Variants in RANBP17 observed in about 807,000 individuals in gnomAD.
RANBP17 encodes RAN binding protein 17.
RANBP17 carries 158 observed loss-of-function variants against 141.2 expected under a neutral mutation model. The ratio of observed to expected loss-of-function variants is 1.12; its 90% CI spans 0.98 to 1.28. The LOEUF (loss-of-function observed/expected upper bound fraction) is 1.28. Among genes scored for constraint, RANBP17 ranks in the 50% most tolerant of loss-of-function variants. The pLI is 0.00. For synonymous variants in RANBP17, 430 were observed against 450.0 expected (o/e 0.96, Z 0.56); for missense variants, 1,438 against 1,290.7 (o/e 1.11, Z -1.75).
At chr5:171,270,736 T>A (rs1767048701) in intron 25 of RANBP17, among the ~76,000 whole-genome samples, 1 of 152,154 alleles carries the variant, frequency 6.6e-6, no homozygotes, top group African/African-American at 2.4e-5. Context: ...TATGAGTAAT[T>A]CCTTATAAGA....
chr5:170,866,324 A>G (rs1389308116), intron 1 of RANBP17, among the ~76,000 whole-genome samples: 1 of 144,338 alleles, frequency 6.9e-6, no homozygotes, highest in African/African-American at 2.9e-5. Flanking sequence ...GAAGCAAAAG[A>G]TAACATTGAG....
intron 14 of RANBP17, among the ~76,000 whole-genome samples, chr5:171,032,660 A>G (rs1021513885): frequency 6.6e-6 from 1 of 152,178 alleles, no homozygotes; most frequent in Non-Finnish European, 1.5e-5. Flanking sequence ...TTGCAGTCAT[A>G]TAATGAATCA....
At chr5:171,294,037 A>G (rs904727438) in intron 26 of RANBP17, 56 bp downstream of exon 26, 16 of 1,274,704 alleles carry the variant, frequency 1.3e-5, no homozygotes, top group African/African-American at 1.0e-4. Context: ...GAGAGCAGCT[A>G]TAAGCTAGGG....
chr5:171,141,656 C>T (rs1757711610), intron 14 of RANBP17, among the ~76,000 whole-genome samples: 1 of 141,010 alleles, frequency 7.1e-6, no homozygotes. Context: ...AAGATATATA[C>T]TTTGATCAAG....
chr5:171,102,693 T>C (rs927416613), intron 14 of RANBP17, among the ~76,000 whole-genome samples: 4 of 152,198 alleles, frequency 2.6e-5, no homozygotes, highest in African/African-American at 9.7e-5. Flanking sequence ...TTTGGCATTT[T>C]CAGCCTTTTT....
chr5:171,089,409 T>A (rs1402023509), intron 14 of RANBP17, among the ~76,000 whole-genome samples: 3 of 151,660 alleles, frequency 2.0e-5, no homozygotes, highest in Non-Finnish European at 4.4e-5. Flanking sequence ...CTGCTGTCTT[T>A]TTGTTTGTCT....
intron 14 of RANBP17, among the ~76,000 whole-genome samples, chr5:171,123,280 G>T (rs978366892): frequency 2.6e-5 from 4 of 152,126 alleles, no homozygotes; most frequent in Non-Finnish European, 4.4e-5. Flanking sequence ...GGGACCCAAG[G>T]ACGTACCTGC....
chr5:171,031,194 C>T (rs1781528838), intron 14 of RANBP17, among the ~76,000 whole-genome samples: 1 of 151,970 alleles, frequency 6.6e-6, no homozygotes, highest in African/African-American at 2.4e-5. Context: ...TTTAGATTAT[C>T]TGTGATAGCA....
At chr5:171,170,602 A>G (rs578009654) in intron 15 of RANBP17, among the ~76,000 whole-genome samples, 1 of 152,240 alleles carries the variant, frequency 6.6e-6, no homozygotes, top group South Asian at 2.1e-4. Flanking sequence ...CATTAGTTCT[A>G]AGAGAAACCT....
At chr5:170,953,143 G>A (rs1267464482) in intron 12 of RANBP17, among the ~76,000 whole-genome samples, 2 of 151,980 alleles carry the variant, frequency 1.3e-5, no homozygotes, top group Non-Finnish European at 2.9e-5. Flanking sequence ...GATCACACTG[G>A]TACTATCATG....
intron 14 of RANBP17, among the ~76,000 whole-genome samples, chr5:171,039,859 A>G (rs1192575823): frequency 2.0e-5 from 3 of 152,116 alleles, no homozygotes; most frequent in Non-Finnish European, 4.4e-5. Context: ...CAATATTGAC[A>G]TTTGAAATTG....
intron 7 of RANBP17, 30 bp from the exon 8 acceptor site, chr5:170,914,137 A>G (rs1232165154): frequency 6.5e-6 from 9 of 1,389,190 alleles, no homozygotes; most frequent in South Asian, 2.3e-5. Flanking sequence ...ATTGAAAGTA[A>G]TGGTGTTAGA....
rs72051535 is a variant in RANBP17, at chr5:171,130,431, C to CTTTTTT, written c.1711-39682_1711-39677dup. Among the ~76,000 whole-genome samples, 480 of 90,030 alleles carry CTTTTTT rather than the reference C, an allele frequency of 5.3e-3. 14 individuals carry two copies. The highest frequency in any genetic ancestry group is 0.014 in the Middle Eastern group (1 of 70). The allele number at this position is 90,030 out of a possible 152,430, so 59.1% of individuals were successfully genotyped here. Reference sequence around the variant, plus strand: ...GCTCAATCAGAATACTTTAAAAAGACTTTTTTTTTTTTTTTTTTTTTTGAG... The same window carrying CTTTTTT: ...GCTCAATCAGAATACTTTAAAAAGACTTTTTTTTTTTTTTTTTTTTTTTTTTTTGAG... On this transcript the variant is annotated intron_variant, in intron 14 of 27. Transcript: ENST00000523189.
intron 5 of RANBP17, among the ~76,000 whole-genome samples, chr5:170,902,714 T>G (rs1268751884): frequency 2.0e-5 from 3 of 152,202 alleles, no homozygotes; most frequent in Non-Finnish European, 4.4e-5. Context: ...TGTGTGGATG[T>G]CCTTTTTGTT....
At chr5:171,287,444 CACA>C (rs1217006043) in intron 25 of RANBP17, among the ~76,000 whole-genome samples, 1 of 149,130 alleles carries the variant, frequency 6.7e-6, no homozygotes, top group African/African-American at 2.5e-5. Context: ...AAGCCGAGAT[CACA>C]ACATTGCACT....
At chr5:170,980,911 T>A (rs10076334) in intron 14 of RANBP17, among the ~76,000 whole-genome samples, 93,224 of 151,958 alleles carry the variant, frequency 0.61, 29,951 homozygotes, top group South Asian at 0.89. Context: ...GGAAAAGCCA[T>A]CGCCAGCCTG....
intron 24 of RANBP17, among the ~76,000 whole-genome samples, chr5:171,246,338 A>G (rs1382977716): frequency 6.6e-6 from 1 of 151,842 alleles, no homozygotes; most frequent in East Asian, 1.9e-4. Flanking sequence ...TTATTCTCCA[A>G]CTCAGTGAGC....
chr5:171,277,507 C>T (rs1428135999), intron 25 of RANBP17, among the ~76,000 whole-genome samples: 1 of 149,160 alleles, frequency 6.7e-6, no homozygotes, highest in Non-Finnish European at 1.5e-5. Flanking sequence ...CATAAGATGT[C>T]GCTATAGAAG....
At chr5:171,118,750 T>C (rs1755817141) in intron 14 of RANBP17, among the ~76,000 whole-genome samples, 1 of 152,234 alleles carries the variant, frequency 6.6e-6, no homozygotes. Flanking sequence ...ATAGAAATGC[T>C]ACTGATTTTT....
Sources: gnomAD v4.1 joint callset for allele counts (sites outside exome capture counted in the v4.1 genomes callset) on GRCh38, gnomAD v4.1.1 for gene constraint, MANE v1.5 for transcripts, NCBI Gene and HGNC (gene_info 2026-07-23, HGNC 2026-07-21) for gene names.